Variants in CEP85L observed in about 807,000 individuals in gnomAD.
The protein encoded by CEP85L is centrosomal protein of 85 kDa-like.
A neutral mutation model predicts 100.3 loss-of-function variants in CEP85L; 60 were observed. That is an observed-to-expected ratio of 0.60 (90% confidence interval 0.49 to 0.74). The LOEUF (loss-of-function observed/expected upper bound fraction) is 0.74. CEP85L is among the 30% of genes least tolerant of loss of function. The pLI is 0.00. For synonymous variants in CEP85L, 319 were observed against 322.7 expected (o/e 0.99, Z 0.12); for missense variants, 973 against 936.2 (o/e 1.04, Z -0.51).
At chr6:118,529,608 CAAAAAAAA>C (rs55732442) in intron 3 of CEP85L, among the ~76,000 whole-genome samples, 1,266 of 92,532 alleles carry the variant, frequency 0.014, 41 homozygotes, top group African/African-American at 0.052. Flanking sequence ...ACTCTGTCTC[CAAAAAAAA>C]AAAAAAAAAA....
In CEP85L at chr6:118,651,510, C is replaced by G. The variant is rs1001574373; in HGVS notation, c.-241G>C. The G allele has an allele frequency of 4.7e-6, 6 of 1,264,054 alleles. No homozygotes were observed. The East Asian group carries it at 1.6e-4, about 34-fold the overall frequency. 78.3% of individuals were successfully genotyped at this position (1,264,054 alleles called of 1,614,324 possible). A position where few individuals can be genotyped will look rare whatever the true frequency, so the allele number is the denominator to read the frequency against. On this transcript the variant is annotated 5_prime_UTR_variant, in exon 1 of 13. Transcript: ENST00000368491. ...GCTGAGGCCCGCGCCGGGGAAGCGGCGACTCGGCGGTGACGGCTGCTAGAT... is the reference window on the plus strand; with the variant it reads ...GCTGAGGCCCGCGCCGGGGAAGCGGGGACTCGGCGGTGACGGCTGCTAGAT...
chr6:118,559,497 A>G, intron 3 of CEP85L: 1 of 217,490 alleles, frequency 4.6e-6, no homozygotes, highest in Non-Finnish European at 1.0e-5. Context: ...TTTAATACTA[A>G]GTATTTTTCA....
At chr6:118,608,670 T>C (rs1052071099) in intron 2 of CEP85L, among the ~76,000 whole-genome samples, 27 of 152,210 alleles carry the variant, frequency 1.8e-4, no homozygotes, top group Admixed American at 1.8e-3. Context: ...AATGCTGTCT[T>C]TATATCATGT....
At chr6:118,592,931 C>T (rs1251171717) in intron 2 of CEP85L, among the ~76,000 whole-genome samples, 4 of 151,928 alleles carry the variant, frequency 2.6e-5, no homozygotes, top group Non-Finnish European at 5.9e-5. Flanking sequence ...CCACTTTTGC[C>T]TTCTTTCTAC....
At chr6:118,472,346 A>T (rs1270182370) in intron 10 of CEP85L, among the ~76,000 whole-genome samples, 1 of 152,110 alleles carries the variant, frequency 6.6e-6, no homozygotes, top group Non-Finnish European at 1.5e-5. Flanking sequence ...GATTTCTCAT[A>T]TGTTGCTTGA....
intron 1 of CEP85L, among the ~76,000 whole-genome samples, chr6:118,679,287 C>T (rs1776574207): frequency 1.3e-5 from 2 of 151,818 alleles, no homozygotes; most frequent in Admixed American, 1.3e-4. Flanking sequence ...GTTCTTAGCA[C>T]CTAAAGAGAC....
chr6:118,507,251 C>CAT (rs1775710558), intron 5 of CEP85L, among the ~76,000 whole-genome samples: 1 of 152,200 alleles, frequency 6.6e-6, no homozygotes, highest in African/African-American at 2.4e-5. Context: ...TCTCTCACCA[C>CAT]ATTAAATATG....
chr6:118,688,102 C>T (rs1334395936), intron 1 of CEP85L, among the ~76,000 whole-genome samples: 7 of 152,058 alleles, frequency 4.6e-5, no homozygotes, highest in South Asian at 2.1e-4. Flanking sequence ...ATCTTGGAAG[C>T]GGCTTGCCAC....
At chr6:118,606,605 C>A (rs1402245697) in intron 2 of CEP85L, among the ~76,000 whole-genome samples, 1 of 152,220 alleles carries the variant, frequency 6.6e-6, no homozygotes, top group Non-Finnish European at 1.5e-5. Context: ...AAAAGTACTG[C>A]CACGTGGTTA....
At chr6:118,603,054 T>A (rs1781865952) in intron 2 of CEP85L, among the ~76,000 whole-genome samples, 1 of 152,154 alleles carries the variant, frequency 6.6e-6, no homozygotes, top group African/African-American at 2.4e-5. Flanking sequence ...ACTCCTGACC[T>A]CATGATCCAC....
At chr6:118,672,901 AGAG>A (rs1035311235) in intron 1 of CEP85L, among the ~76,000 whole-genome samples, 2 of 151,954 alleles carry the variant, frequency 1.3e-5, no homozygotes, top group African/African-American at 2.4e-5. Context: ...AAGAGAAAGA[AGAG>A]GAGGAGGGAG....
intron 1 of CEP85L, among the ~76,000 whole-genome samples, chr6:118,645,231 A>G (rs1037318120): frequency 9.9e-5 from 15 of 152,026 alleles, no homozygotes; most frequent in Non-Finnish European, 2.1e-4. Flanking sequence ...TCAGGTAACA[A>G]TGTTACCTCC....
intron 2 of CEP85L, among the ~76,000 whole-genome samples, chr6:118,630,279 T>C (rs915062835): frequency 1.9e-4 from 29 of 152,204 alleles, no homozygotes; most frequent in Non-Finnish European, 3.2e-4. Context: ...TAAGTTCTTA[T>C]CTTAAACCCT....
intron 1 of CEP85L, among the ~76,000 whole-genome samples, chr6:118,660,765 A>G (rs907552196): frequency 2.0e-5 from 3 of 152,206 alleles, no homozygotes; most frequent in Non-Finnish European, 4.4e-5. Flanking sequence ...GGGGCCATGT[A>G]ATGTCTGTAA....
intron 2 of CEP85L, among the ~76,000 whole-genome samples, chr6:118,600,690 G>A (rs913883903): frequency 6.6e-6 from 1 of 151,484 alleles, no homozygotes; most frequent in Non-Finnish European, 1.5e-5. Context: ...CTCTGGTGCT[G>A]GCTGAAAATT....
chr6:118,654,278 C>T (rs1326791893), upstream of CEP85L, among the ~76,000 whole-genome samples: 1 of 151,836 alleles, frequency 6.6e-6, no homozygotes, highest in Non-Finnish European at 1.5e-5. Context: ...AAAACCCTGC[C>T]TCTAAAAAAT....
intron 8 of CEP85L, among the ~76,000 whole-genome samples, chr6:118,481,046 C>T (rs1773744382): frequency 6.6e-6 from 1 of 151,158 alleles, no homozygotes; most frequent in Non-Finnish European, 1.5e-5. Context: ...GGTACACGTA[C>T]TTACAACTGT....
intron 2 of CEP85L, among the ~76,000 whole-genome samples, chr6:118,599,873 A>T (rs912054104): frequency 6.2e-4 from 94 of 152,288 alleles, no homozygotes; most frequent in African/African-American, 2.2e-3. Context: ...TCTCCTCAAA[A>T]CTGTTAAGGT....
intron 5 of CEP85L, chr6:118,501,820 G>C: frequency 1.6e-6 from 2 of 1,278,194 alleles, no homozygotes; most frequent in Non-Finnish European, 2.3e-6. Context: ...GAGAGAGAGA[G>C]AGAGAGAGAG....
Sources: allele counts gnomAD v4.1 joint callset (sites outside exome capture counted in the v4.1 genomes callset), GRCh38; gene constraint gnomAD v4.1.1; transcripts MANE v1.5; gene names NCBI Gene and HGNC (gene_info 2026-07-23, HGNC 2026-07-21).